The following AFF3 variants were observed in gnomAD, a reference collection of about 807,000 sequenced individuals.
The protein encoded by AFF3 is ALF transcription elongation factor 3, also known as AF4/FMR2 family member 3.
Under a neutral mutation model 129.7 loss-of-function variants are expected in AFF3, and 32 were observed. That is an observed-to-expected ratio of 0.25 (90% CI 0.19 to 0.33). AFF3 has a LOEUF of 0.33. Among genes scored for constraint, AFF3 ranks in the 10% least tolerant of loss-of-function variants. AFF3 has a pLI of 1.00. For synonymous variants in AFF3, 644 were observed against 635.4 expected (o/e 1.01, Z -0.20); for missense variants, 1,373 against 1,592.0 (o/e 0.86, Z 2.34).
chr2:100,014,186 T>C (rs1573114400), intron 4 of AFF3, among the ~76,000 whole-genome samples: 2 of 151,944 alleles, frequency 1.3e-5, no homozygotes, highest in East Asian at 3.9e-4. Flanking sequence ...CAAGGGTATA[T>C]GAAGCCAATT....
chr2:99,679,883 G>T (rs1166385622), intron 11 of AFF3, among the ~76,000 whole-genome samples: 1 of 152,220 alleles, frequency 6.6e-6, no homozygotes, highest in Non-Finnish European at 1.5e-5. Context: ...CCAATGGGTA[G>T]AATGTCCAGG....
chr2:99,705,904 G>T (rs113221759), intron 11 of AFF3, among the ~76,000 whole-genome samples: 7,336 of 120,822 alleles, frequency 0.061, 327 homozygotes, highest in East Asian at 0.096. Context: ...AAAAAAACAC[G>T]CCCTTTGGGT....
intron 8 of AFF3, among the ~76,000 whole-genome samples, chr2:99,769,910 T>A (rs1219450481): frequency 6.6e-6 from 1 of 152,198 alleles, no homozygotes; most frequent in African/African-American, 2.4e-5. Context: ...TAAGCACCCC[T>A]GTGGCTACCA....
At chr2:99,899,104 T>C (rs977961358) in intron 7 of AFF3, among the ~76,000 whole-genome samples, 10 of 152,206 alleles carry the variant, frequency 6.6e-5, no homozygotes, top group Non-Finnish European at 1.3e-4. Flanking sequence ...ATTTGACATG[T>C]CTGGATTTTG....
At chr2:99,773,357 T>C (rs1683640157) in intron 8 of AFF3, among the ~76,000 whole-genome samples, 2 of 152,196 alleles carry the variant, frequency 1.3e-5, no homozygotes, top group African/African-American at 4.8e-5. Context: ...GATAAGACAA[T>C]GAGACTGATT....
rs182191874 is a variant in AFF3, at chr2:99,812,341, G to A, written c.921+25136C>T. ...TGTCTTCCTTCCGATACCCTCTGAC[G>A]AAACCTCTGAAGGTGAAACACTAGC... On this transcript the variant is annotated intron_variant, in intron 8 of 24. Coordinates refer to ENST00000672756, the MANE Select transcript of AFF3 (RefSeq NM_001386135.1). 3.7e-4 allele frequency among the ~76,000 whole-genome samples: 56 copies of A among 152,198 alleles called. No homozygotes were observed. The East Asian group carries it at 0.01, about 27-fold the overall frequency.
chr2:99,773,661 G>A (rs1278307429), intron 8 of AFF3, among the ~76,000 whole-genome samples: 4 of 152,142 alleles, frequency 2.6e-5, no homozygotes. Flanking sequence ...AAGCTAGTGA[G>A]AGCAGTTCTG....
intron 8 of AFF3, among the ~76,000 whole-genome samples, chr2:99,806,789 C>T (rs1275928707): frequency 6.6e-6 from 1 of 152,160 alleles, no homozygotes; most frequent in African/African-American, 2.4e-5. Flanking sequence ...CAGTGTATGG[C>T]AAACAGTAGG....
At chr2:100,008,138 G>A (rs904734990) in intron 5 of AFF3, among the ~76,000 whole-genome samples, 2 of 152,140 alleles carry the variant, frequency 1.3e-5, no homozygotes, top group Admixed American at 1.3e-4. Context: ...CCCGTTAGAA[G>A]CTTTACTTGA....
At chr2:99,847,327 C>T (rs1391613501) in intron 7 of AFF3, among the ~76,000 whole-genome samples, 27 of 151,850 alleles carry the variant, frequency 1.8e-4, no homozygotes. Flanking sequence ...AGGCACCTGC[C>T]ACCACGCCCA....
At position 99,546,692 on chromosome 2, in the gene AFF3, G is replaced by C. The variant is rs1197380970; in HGVS notation, c.*4782C>G. 4.4e-6 allele frequency: 1 copy of C among 229,282 alleles called. No homozygotes were observed. Among genetic ancestry groups the C allele is most frequent in the East Asian group, 6.2e-5 (1 of 16,102 alleles). 14.2% of individuals were successfully genotyped at this position (229,282 alleles called of 1,614,324 possible). A position where few individuals can be genotyped will look rare whatever the true frequency, so the allele number is the denominator to read the frequency against. On this transcript the variant is annotated 3_prime_UTR_variant, in exon 25 of 25. Transcript: ENST00000672756. Reference sequence around the variant, plus strand: ...CTTCATGTCAAGCCACTGGTCTAATGCCTCCGTCTTCTTTAGTTCAAAATT... The same window carrying C: ...CTTCATGTCAAGCCACTGGTCTAATCCCTCCGTCTTCTTTAGTTCAAAATT...
Position 99,593,763 on chromosome 2 carries a change from T to C in AFF3, c.1898A>G (p.Asn633Ser). 6.2e-7 allele frequency: 1 copy of C among 1,612,708 alleles called. No homozygotes were observed. Among genetic ancestry groups the C allele is most frequent in the Non-Finnish European group, 8.5e-7 (1 of 1,179,918 alleles). ...CAGCTCCTTGCGGTGGCTCGCTCTG[T>C]TGTTGCCACAGGGCCTGGTTTTGGT... ...EPTKTRPCGN[N>S]RASHRKELRS... The change falls in exon 15 of 25, where the codon AAC (asparagine) becomes AGC (serine). Residue 633 changes from asparagine (N) to serine (S), a missense_variant. Asn to Ser is a conservative substitution (Grantham distance 46, BLOSUM62 1). Transcript: ENST00000672756.
At chr2:100,017,750 A>G (rs1219325628) in intron 4 of AFF3, among the ~76,000 whole-genome samples, 8 of 152,220 alleles carry the variant, frequency 5.3e-5, no homozygotes, top group African/African-American at 1.9e-4. Flanking sequence ...TGGAGAAACA[A>G]GAGGCTCTGA....
At chr2:99,631,040 C>T (rs1485789082) in intron 13 of AFF3, 20 of 455,294 alleles carry the variant, frequency 4.4e-5, no homozygotes, top group Non-Finnish European at 8.6e-5. Context: ...ACACTGTGAG[C>T]TGCTGCAGGG....
intron 7 of AFF3, among the ~76,000 whole-genome samples, chr2:99,874,243 A>G (rs930919274): frequency 6.6e-6 from 1 of 152,170 alleles, no homozygotes; most frequent in Admixed American, 6.5e-5. Flanking sequence ...TACCTAGCCC[A>G]CTTCTGCAGA....
intron 10 of AFF3, among the ~76,000 whole-genome samples, chr2:99,737,785 T>C (rs1166275754): frequency 1.3e-5 from 2 of 151,942 alleles, no homozygotes; most frequent in Admixed American, 6.6e-5. Context: ...GTTAGATGCA[T>C]GTTAGACTTC....
intron 8 of AFF3, among the ~76,000 whole-genome samples, chr2:99,754,478 C>T (rs1681924741): frequency 6.6e-6 from 1 of 152,176 alleles, no homozygotes; most frequent in African/African-American, 2.4e-5. Flanking sequence ...ATACAGACTC[C>T]CTCTGTGTAT....
intron 4 of AFF3, among the ~76,000 whole-genome samples, chr2:100,072,936 T>C (rs1333162949): frequency 6.6e-6 from 1 of 152,218 alleles, no homozygotes; most frequent in African/African-American, 2.4e-5. Flanking sequence ...CACTCGTTGA[T>C]TAAAATACGA....
Position 99,912,080 on chromosome 2 carries a change from T to A in AFF3, c.874-74556A>T, listed in dbSNP as rs924789738. On this transcript the variant is annotated intron_variant, in intron 7 of 24. Transcript: ENST00000672756. Reference sequence around the variant, plus strand: ...GAAGTAATTCAGAGATCAATGGGAGTAATATATTGCTCTTTAGCCCAAAGG... The same window carrying A: ...GAAGTAATTCAGAGATCAATGGGAGAAATATATTGCTCTTTAGCCCAAAGG... 2.6e-5 allele frequency among the ~76,000 whole-genome samples: 4 copies of A among 152,110 alleles called. No homozygotes were observed. The South Asian group carries it at 8.3e-4, about 32-fold the overall frequency.
Sources: allele counts gnomAD v4.1 joint callset (sites outside exome capture counted in the v4.1 genomes callset), GRCh38; gene constraint gnomAD v4.1.1; transcripts MANE v1.5; gene names NCBI Gene and HGNC (gene_info 2026-07-23, HGNC 2026-07-21).